Variants in FBXO45 observed in about 807,000 individuals in gnomAD.
FBXO45 encodes F-box protein 45, also known as F-box/SPRY domain-containing protein 1.
In FBXO45, 3 loss-of-function variants were observed where a neutral mutation model predicts 25.5. The observed-to-expected ratio is 0.12, with a 90% CI of 0.05 to 0.30. The LOEUF is 0.30. FBXO45 is among the 10% of genes least tolerant of loss of function. The pLI is 1.00. For synonymous variants in FBXO45, 155 were observed against 149.8 expected, an observed-to-expected ratio of 1.03 and a Z score of -0.25; for missense variants, 219 against 365.0, an observed-to-expected ratio of 0.60 and a Z score of 3.26.
chr3:196,569,330 C>T lies in FBXO45; in HGVS notation c.318+28C>T. On this transcript the variant is annotated intron_variant, in intron 1 of 2. Transcript: ENST00000311630. The surrounding 1 kb of genome is among the most constrained non-coding windows in gnomAD (Gnocchi z 4.1). ...GAGAGAGCCCCGGGCCACACCGCTG[C>T]CCCCAGTCCCGCTCCCCGGCGTCGT... The T allele has an allele frequency of 6.9e-7, 1 of 1,455,496 alleles. No homozygotes were observed. Among genetic ancestry groups the T allele is most frequent in the South Asian group, 1.3e-5 (1 of 74,138 alleles). The allele number at this position is 1,455,496 out of a possible 1,614,324, so 90.2% of individuals were successfully genotyped here. A position where few individuals can be genotyped will look rare whatever the true frequency, so the allele number is the denominator to read the frequency against.
chr3:196,569,074 TG>T lies in FBXO45; in HGVS notation c.94del (p.Ala32ProfsTer139). 1 of 1,410,774 alleles carries T rather than the reference TG, an allele frequency of 7.1e-7. No individual in the cohort carries two copies. The highest frequency in any genetic ancestry group is 9.4e-7 in the Non-Finnish European group (1 of 1,065,576). The allele number at this position is 1,410,774 out of a possible 1,614,324, so 87.4% of individuals were successfully genotyped here. A position where few individuals can be genotyped will look rare whatever the true frequency, so the allele number is the denominator to read the frequency against. On this transcript the variant is annotated frameshift_variant, in exon 1 of 3. Coordinates refer to ENST00000311630, the MANE Select transcript of FBXO45 (RefSeq NM_001105573.2). LOFTEE classifies it high-confidence loss of function. The surrounding 1 kb of genome is among the most constrained non-coding windows in gnomAD (Gnocchi z 4.1). The part of the protein sequence containing the change: ...GAGAGAGSGS[G>X]AAGAGGRLPS... ...CGGGCGCGGGCGCGGGCTCGGGCTCTGGGGCCGCGGGGGCCGGGGGCCGGCT... is the reference window on the plus strand; with the variant it reads ...CGGGCGCGGGCGCGGGCTCGGGCTCTGGGCCGCGGGGGCCGGGGGCCGGCT...
intron 2 of FBXO45, among the ~76,000 whole-genome samples, chr3:196,582,966 A>G (rs1296567091): frequency 2.0e-5 from 3 of 152,114 alleles, no homozygotes; most frequent in African/African-American, 7.2e-5. Context: ...ACCTCTCTCT[A>G]TACCCAAAAC....
chr3:196,581,826 C>T (rs1483733531), intron 2 of FBXO45, among the ~76,000 whole-genome samples: 1 of 152,080 alleles, frequency 6.6e-6, no homozygotes, highest in Admixed American at 6.5e-5. Context: ...CTGCTTTATT[C>T]TCTGAAAAGT....
chr3:196,576,733 A>G (rs73891293), intron 1 of FBXO45, among the ~76,000 whole-genome samples: 4,605 of 152,266 alleles, frequency 0.03, 204 homozygotes, highest in African/African-American at 0.1. Flanking sequence ...TTGAACCTAG[A>G]TGCTATCTAA....
chr3:196,581,266 C>G (rs1344517893), intron 2 of FBXO45, among the ~76,000 whole-genome samples: 1 of 102,460 alleles, frequency 9.8e-6, no homozygotes, highest in African/African-American at 3.8e-5. Context: ...CAGTCTCACT[C>G]TGTCGTCAGG....
chr3:196,576,498 C>T lies in FBXO45; in HGVS notation c.319-955C>T, dbSNP rs139961887. Among the ~76,000 whole-genome samples the T allele has an allele frequency of 1.4e-3, 208 of 152,256 alleles. 2 individuals are homozygous for T. The highest frequency in any genetic ancestry group is 4.4e-3 in the African/African-American group (181 of 41,542). Reference sequence around the variant, plus strand: ...AGGAGTTCAAGGCTGCAGTGCGCTACGATTGTGCCACTGCACTGCAGTCTG... The same window carrying T: ...AGGAGTTCAAGGCTGCAGTGCGCTATGATTGTGCCACTGCACTGCAGTCTG... On this transcript the variant is annotated intron_variant, in intron 1 of 2. Transcript: ENST00000311630.
At position 196,585,651 on chromosome 3, in the gene FBXO45, C is replaced by T. The variant is rs1349642344; in HGVS notation, c.*1333C>T. The T allele has an allele frequency of 6.6e-6, 1 of 152,196 alleles. No homozygotes were observed. The highest frequency in any genetic ancestry group is 2.4e-5 in the African/African-American group (1 of 41,460). 9.4% of individuals were successfully genotyped at this position (152,196 alleles called of 1,614,324 possible). ...CTATTTTGACTTACAAATCTTGTTT[C>T]TCATCACTAAAATGCTTTTGAATTA... On this transcript the variant is annotated 3_prime_UTR_variant, in exon 3 of 3. Transcript: ENST00000311630.
rs1736121751 is a variant in FBXO45 at position 196,586,997 on chromosome 3, A to G, written c.*2679A>G. On this transcript the variant is annotated 3_prime_UTR_variant, in exon 3 of 3. Coordinates refer to ENST00000311630, the MANE Select transcript of FBXO45 (RefSeq NM_001105573.2). ...GGAAAGTGCTTGTGCCGTGGATGAA[A>G]AGTGCTATTAAAAGTCAAAGGAGTG... The G allele has an allele frequency of 6.6e-6, 1 of 152,224 alleles. No homozygotes were observed. The highest frequency in any genetic ancestry group is 2.1e-4 in the South Asian group (1 of 4,828). 9.4% of individuals were successfully genotyped at this position (152,224 alleles called of 1,614,324 possible). A position where few individuals can be genotyped will look rare whatever the true frequency, so the allele number is the denominator to read the frequency against.
At chr3:196,575,973 G>C (rs1393304242) in intron 1 of FBXO45, among the ~76,000 whole-genome samples, 2 of 152,262 alleles carry the variant, frequency 1.3e-5, no homozygotes, top group East Asian at 3.9e-4. Flanking sequence ...CACCGCGCCC[G>C]GCCCCTTCAT....
At chr3:196,579,034 G>A (rs955955451) in intron 2 of FBXO45, among the ~76,000 whole-genome samples, 2 of 152,148 alleles carry the variant, frequency 1.3e-5, no homozygotes, top group African/African-American at 4.8e-5. Context: ...AGGCATCAGT[G>A]AGTTCTGCAG....
chr3:196,569,325 C>G lies in FBXO45; in HGVS notation c.318+23C>G. 6.7e-7 allele frequency: 1 copy of G among 1,486,262 alleles called. No individual in the cohort carries two copies. The highest frequency in any genetic ancestry group is 9.1e-7 in the Non-Finnish European group (1 of 1,102,202). 92.1% of individuals were successfully genotyped at this position (1,486,262 alleles called of 1,614,324 possible). On this transcript the variant is annotated intron_variant, in intron 1 of 2. Transcript: ENST00000311630. The surrounding 1 kb of genome is among the most constrained non-coding windows in gnomAD (Gnocchi z 4.1). ...AAGGTGAGAGAGCCCCGGGCCACACCGCTGCCCCCAGTCCCGCTCCCCGGC... is the reference window on the plus strand; with the variant it reads ...AAGGTGAGAGAGCCCCGGGCCACACGGCTGCCCCCAGTCCCGCTCCCCGGC...
Position 196,584,107 on chromosome 3 carries a change from T to C in FBXO45, c.676-26T>C. The stretch of plus-strand genomic sequence containing the variant: ...TAGCTACACCCTTGGCAGATTTTCT[T>C]CTAACCTTTTGATATCTGTTTGCAG... On this transcript the variant is annotated intron_variant, in intron 2 of 2. Coordinates refer to ENST00000311630, the MANE Select transcript of FBXO45 (RefSeq NM_001105573.2). This position sits in a 1 kb window ranked among gnomAD's most constrained non-coding sequence, Gnocchi z 4.3. 1 of 1,608,170 alleles carries C rather than the reference T, an allele frequency of 6.2e-7. No homozygotes were observed.
Position 196,578,800 on chromosome 3 carries a change from AT to A in FBXO45, c.675+1002del, listed in dbSNP as rs34925757. On this transcript the variant is annotated intron_variant, in intron 2 of 2. Transcript: ENST00000311630. ...TAAAACATTATGAGATTTTTTTGCA[AT>A]TTTTTTTTTTAAAGCTGATTAGCTA... 2.2e-3 allele frequency among the ~76,000 whole-genome samples: 320 copies of A among 148,780 alleles called. 3 individuals carry two copies. Among genetic ancestry groups the A allele is most frequent in the Middle Eastern group, 0.01 (3 of 288 alleles).
chr3:196,577,876 T>G, intron 2 of FBXO45, 67 bp downstream of exon 2: 1 of 1,035,512 alleles, frequency 9.7e-7, no homozygotes, highest in Non-Finnish European at 1.3e-6. Context: ...GTTTTAAATT[T>G]ACAAATTTTT....
chr3:196,569,451 A>T lies in FBXO45; in HGVS notation c.318+149A>T. 1 of 693,670 alleles carries T rather than the reference A, an allele frequency of 1.4e-6. No homozygotes were observed. Among genetic ancestry groups the T allele is most frequent in the Non-Finnish European group, 2.3e-6 (1 of 437,528 alleles). 43.0% of individuals were successfully genotyped at this position (693,670 alleles called of 1,614,324 possible). On this transcript the variant is annotated intron_variant, in intron 1 of 2. Transcript: ENST00000311630. This position sits in a 1 kb window ranked among gnomAD's most constrained non-coding sequence, Gnocchi z 4.1. ...GTCAGTATCTTCCTCACCTCCCCCC[A>T]AGATAAAGATTCTCTTTTCTTTGGA...
At position 196,584,059 on chromosome 3, in the gene FBXO45, C is replaced by T. The variant is rs1736062552; in HGVS notation, c.676-74C>T. 1 of 1,400,836 alleles carries T rather than the reference C, an allele frequency of 7.1e-7. No homozygotes were observed. Among genetic ancestry groups the T allele is most frequent in the South Asian group, 1.3e-5 (1 of 79,426 alleles). The allele number at this position is 1,400,836 out of a possible 1,614,324, so 86.8% of individuals were successfully genotyped here. A position where few individuals can be genotyped will look rare whatever the true frequency, so the allele number is the denominator to read the frequency against. ...ATAATATTCTTAATATTTTCAACTT[C>T]TTGATTTGTGTCTTGTTTCTTCTAG... On this transcript the variant is annotated intron_variant, in intron 2 of 2. Transcript: ENST00000311630. This position sits in a 1 kb window ranked among gnomAD's most constrained non-coding sequence, Gnocchi z 4.3.
intron 1 of FBXO45, among the ~76,000 whole-genome samples, chr3:196,575,097 G>T (rs1257277211): frequency 1.3e-5 from 2 of 152,120 alleles, no homozygotes; most frequent in Non-Finnish European, 2.9e-5. Context: ...CAGAGGAAGG[G>T]TGGTCACCAA....
rs1369658964 is a variant in FBXO45, at chr3:196,587,611, T to A, written c.*3293T>A. ...TCTACTGCCTAGGCAGGTCTTGAAC[T>A]CCTGGGCTCAAGCAGTCTTCCTGCC... On this transcript the variant is annotated 3_prime_UTR_variant, in exon 3 of 3. Transcript: ENST00000311630. 6.6e-6 allele frequency: 1 copy of A among 152,348 alleles called. No homozygotes were observed. 9.4% of individuals were successfully genotyped at this position (152,348 alleles called of 1,614,324 possible). A position where few individuals can be genotyped will look rare whatever the true frequency, so the allele number is the denominator to read the frequency against.
chr3:196,571,847 T>C (rs1433869606), intron 1 of FBXO45, among the ~76,000 whole-genome samples: 1 of 152,256 alleles, frequency 6.6e-6, no homozygotes, highest in Admixed American at 6.5e-5. Flanking sequence ...ATTCACACAT[T>C]GTAGGACTTC....
Sources: gnomAD v4.1 joint callset for allele counts (sites outside exome capture counted in the v4.1 genomes callset) on GRCh38, gnomAD v4.1.1 for gene constraint, Gnocchi (gnomAD v3.1) non-coding constraint, MANE v1.5 for transcripts, NCBI Gene and HGNC (gene_info 2026-07-23, HGNC 2026-07-21) for gene names.